STRIP2: variants seen among roughly 807,000 people sequenced by gnomAD.
STRIP2 encodes the protein striatin interacting protein 2, also known as striatin-interacting protein 2.
In STRIP2, 84 loss-of-function variants were observed where a neutral mutation model predicts 107.1. The ratio of observed to expected loss-of-function variants is 0.78; its 90% CI spans 0.66 to 0.94. The LOEUF (loss-of-function observed/expected upper bound fraction) is 0.94. Ranked by LOEUF, STRIP2 falls within the 40% of genes least tolerant of loss-of-function variation. STRIP2 has a pLI of 0.00. For synonymous variants in STRIP2, 394 were observed against 400.4 expected (o/e 0.98, Z 0.19); for missense variants, 888 against 1,034.2 (o/e 0.86, Z 1.94).
rs949539975 is a variant in STRIP2, at chr7:129,486,126, C to T, written c.*297C>T. The T allele has an allele frequency of 3.2e-6, 1 of 309,752 alleles. No homozygotes were observed. Among genetic ancestry groups the T allele is most frequent in the Non-Finnish European group, 6.1e-6 (1 of 164,546 alleles). 19.2% of individuals were successfully genotyped at this position (309,752 alleles called of 1,614,324 possible). ...ACAACCAGGCTAGACTTTGCTGGCTCTAAAAGAGGAAATTTGTTATGGCAT... is the reference window on the plus strand; with the variant it reads ...ACAACCAGGCTAGACTTTGCTGGCTTTAAAAGAGGAAATTTGTTATGGCAT... On this transcript the variant is annotated 3_prime_UTR_variant, in exon 21 of 21. Transcript: ENST00000249344.
intron 20 of STRIP2, 90 bp from the exon 21 acceptor site, chr7:129,485,489 C>T: frequency 7.2e-7 from 1 of 1,389,234 alleles, no homozygotes; most frequent in South Asian, 1.4e-5. Context: ...CTGAGCAGTT[C>T]CATTTTTGGA....
chr7:129,469,394 T>C (rs1798742095), intron 17 of STRIP2, among the ~76,000 whole-genome samples: 1 of 152,252 alleles, frequency 6.6e-6, no homozygotes. Context: ...AAATTAATTT[T>C]ATGCCCCCTT....
chr7:129,466,693 G>C (rs1050131376), intron 16 of STRIP2, among the ~76,000 whole-genome samples: 1 of 152,078 alleles, frequency 6.6e-6, no homozygotes, highest in African/African-American at 2.4e-5. Context: ...TCCACATTCT[G>C]GTATTAAGCC....
Position 129,458,190 on chromosome 7 carries a change from C to A in STRIP2, c.1039-25C>A. ...TGCCCAGAGTGAGATCTCTGCATGC[C>A]TACCCTCCCTTCTTTCCCCTCCAGC... On this transcript the variant is annotated intron_variant, in intron 9 of 20. Transcript: ENST00000249344. The surrounding 1 kb of genome is among the most constrained non-coding windows in gnomAD (Gnocchi z 4.6). 1 of 1,591,418 alleles carries A rather than the reference C, an allele frequency of 6.3e-7. No individual in the cohort carries two copies. The highest frequency in any genetic ancestry group is 1.1e-5 in the South Asian group (1 of 90,162).
chr7:129,484,586 T>C (rs988929974), intron 20 of STRIP2: 1 of 152,212 alleles, frequency 6.6e-6, no homozygotes, highest in Non-Finnish European at 1.5e-5. Flanking sequence ...CCAGATATGC[T>C]GACCCCTGCT....
intron 19 of STRIP2, among the ~76,000 whole-genome samples, chr7:129,482,177 A>G (rs1799134993): frequency 6.6e-6 from 1 of 152,014 alleles, no homozygotes; most frequent in Non-Finnish European, 1.5e-5. Context: ...CAAAAAAATA[A>G]AAGTAATATA....
At chr7:129,484,122 C>T (rs1423353661) in intron 20 of STRIP2, among the ~76,000 whole-genome samples, 3 of 152,216 alleles carry the variant, frequency 2.0e-5, no homozygotes, top group Admixed American at 2.0e-4. Context: ...AAAATACTCA[C>T]ATTCTGGATT....
chr7:129,434,698 G>A, intron 1 of STRIP2, 97 bp downstream of exon 1: 1 of 1,339,918 alleles, frequency 7.5e-7, no homozygotes, highest in Non-Finnish European at 9.6e-7. Flanking sequence ...AGCCCTCGGC[G>A]CGCTCGATCA....
intron 3 of STRIP2, among the ~76,000 whole-genome samples, chr7:129,449,323 C>T (rs573754829): frequency 6.6e-6 from 1 of 152,304 alleles, no homozygotes; most frequent in African/African-American, 2.4e-5. Flanking sequence ...TCATGGGTCA[C>T]ACTCTCAACC....
rs1463970353 is a variant in STRIP2, at chr7:129,434,486, C to A, written c.14C>A (p.Ala5Asp). Residue 5 changes from alanine to aspartate, a missense_variant, in exon 1 of 21, where the codon GCC becomes GAC. Ala to Asp is a moderately radical substitution (Grantham distance 126). Transcript: ENST00000249344. ...CTGACCAGCAGCATGGAGGACCCCG[C>A]CGCGCCTGGGACCGGGGGCCCGCCC... MEDP[A>D]APGTGGPPAN... 2 of 1,514,752 alleles carry A rather than the reference C, an allele frequency of 1.3e-6. No individual in the cohort carries two copies. The highest frequency in any genetic ancestry group is 2.4e-5 in the South Asian group (2 of 81,782). 93.8% of individuals were successfully genotyped at this position (1,514,752 alleles called of 1,614,324 possible). A position where few individuals can be genotyped will look rare whatever the true frequency, so the allele number is the denominator to read the frequency against.
chr7:129,444,223 G>C, intron 3 of STRIP2, 125 bp downstream of exon 3: 1 of 659,748 alleles, frequency 1.5e-6, no homozygotes, highest in Non-Finnish European at 2.6e-6. Flanking sequence ...GGTTCTCTTA[G>C]AGGGATAGAA....
chr7:129,482,658 A>G (rs994630566), intron 19 of STRIP2, among the ~76,000 whole-genome samples, 184 bp from the exon 20 acceptor site: 2 of 151,970 alleles, frequency 1.3e-5, no homozygotes, highest in Non-Finnish European at 2.9e-5. Flanking sequence ...GATTACAGAC[A>G]TGAGCCACCT....
In STRIP2 at chr7:129,454,492, G is replaced by A. The variant is rs1218053691; in HGVS notation, c.671G>A (p.Trp224Ter). ...GAGCGAGAGACAGACCCCTGTGGGT[G>A]GAGAACAGCCCGGGAGACCTTCCGC... Reference protein sequence around the residue: ...RLERETDPCGWRTARETFRTE... With the variant: ...RLERETDPCG The change falls in exon 7 of 21, where the codon TGG becomes TAG. Residue 224 changes from tryptophan (W) to a stop codon, truncating the protein, a stop_gained. Coordinates refer to ENST00000249344, the MANE Select transcript of STRIP2 (RefSeq NM_020704.3). LOFTEE classifies it high-confidence loss of function. 3 of 1,614,068 alleles carry A rather than the reference G, an allele frequency of 1.9e-6. No homozygotes were observed. Among genetic ancestry groups the A allele is most frequent in the South Asian group, 1.1e-5 (1 of 91,078 alleles).
At chr7:129,450,568 G>A (rs1314738670) in intron 3 of STRIP2, among the ~76,000 whole-genome samples, 3 of 152,244 alleles carry the variant, frequency 2.0e-5, no homozygotes, top group African/African-American at 7.2e-5. Flanking sequence ...AATGTGTGGT[G>A]AGTATCTATT....
In STRIP2 at chr7:129,461,007, C is replaced by T. The variant is rs988046044; in HGVS notation, c.1476+635C>T. Among the ~76,000 whole-genome samples, 4 of 152,232 alleles carry T rather than the reference C, an allele frequency of 2.6e-5. No individual in the cohort carries two copies. The highest frequency in any genetic ancestry group is 6.5e-5 in the Admixed American group (1 of 15,284). On this transcript the variant is annotated intron_variant, in intron 13 of 20. Transcript: ENST00000249344. This position sits in a 1 kb window ranked among gnomAD's most constrained non-coding sequence, Gnocchi z 4.0. The stretch of plus-strand genomic sequence containing the variant: ...TGATTTATGTTTCTAAAAACATTAG[C>T]TTCTGTGTAAAGATTGGACCAGAAA...
intron 18 of STRIP2, chr7:129,478,199 G>A (rs911801659): frequency 1.3e-4 from 29 of 228,120 alleles, no homozygotes; most frequent in Admixed American, 4.2e-4. Flanking sequence ...TTTTTATGTT[G>A]GACTTTTTAT....
rs899580381 is a variant in STRIP2 at position 129,434,873 on chromosome 7, C to A, written c.129+272C>A. The stretch of plus-strand genomic sequence containing the variant: ...CGGTATTGAGCGGACCAGATACTTT[C>A]CAAATATTTATCTCACTTAATCGCT... On this transcript the variant is annotated intron_variant, in intron 1 of 20. Transcript: ENST00000249344. Among the ~76,000 whole-genome samples the A allele has an allele frequency of 2.0e-5, 3 of 152,248 alleles. No individual in the cohort carries two copies. In the East Asian group the frequency reaches 5.8e-4, roughly 29 times the overall value.
chr7:129,456,279 C>T (rs895717178), intron 8 of STRIP2, among the ~76,000 whole-genome samples, 160 bp from the exon 9 acceptor site: 6 of 150,166 alleles, frequency 4.0e-5, no homozygotes, highest in African/African-American at 1.5e-4. Context: ...GGATGGTAAT[C>T]ATATTTGCCT....
Position 129,467,528 on chromosome 7 carries a change from A to G in STRIP2, c.1877+78A>G, listed in dbSNP as rs1194597312. 5 of 1,023,764 alleles carry G rather than the reference A, an allele frequency of 4.9e-6. No individual in the cohort carries two copies. The East Asian group carries it at 7.5e-5, about 15-fold the overall frequency. The allele number at this position is 1,023,764 out of a possible 1,614,324, so 63.4% of individuals were successfully genotyped here. A position where few individuals can be genotyped will look rare whatever the true frequency, so the allele number is the denominator to read the frequency against. On this transcript the variant is annotated intron_variant, in intron 17 of 20. Coordinates refer to ENST00000249344, the MANE Select transcript of STRIP2 (RefSeq NM_020704.3). ...AAATTACATCATCTCGGAGCCTTTC[A>G]GTTTTCCTGGTGTCCCTAGTCCCTC...
Sources: allele counts gnomAD v4.1 joint callset (sites outside exome capture counted in the v4.1 genomes callset), GRCh38; gene constraint gnomAD v4.1.1; non-coding constraint Gnocchi (gnomAD v3.1); transcripts MANE v1.5; gene names NCBI Gene and HGNC (gene_info 2026-07-23, HGNC 2026-07-21).